Variants in PHF24 observed in about 807,000 individuals in gnomAD.
The protein encoded by PHF24 is Galpha inhibitory interacting protein.
PHF24 carries 25 observed loss-of-function variants against 42.6 expected under a neutral mutation model. The observed-to-expected ratio is 0.59, with a 90% confidence interval of 0.43 to 0.82. The LOEUF (loss-of-function observed/expected upper bound fraction) is 0.82. Among genes scored for constraint, PHF24 ranks in the 40% least tolerant of loss-of-function variants. PHF24 has a pLI of 0.00. For missense variants in PHF24, 470 were observed against 538.1 expected (o/e 0.87, Z 1.25); for synonymous variants, 185 against 204.8 (o/e 0.90, Z 0.83).
At chr9:34,809,462 C>T in the PHF24 span, among the ~76,000 whole-genome samples, 18 of 152,124 alleles carry the variant, frequency 1.2e-4, no homozygotes, top group African/African-American at 4.3e-4. The surrounding 1 kb of genome is among the most constrained non-coding windows in gnomAD (Gnocchi z 4.1). Context: ...GTTGCTGCAG[C>T]AAAAAGTGGG....
At chr9:34,959,466 T>C (rs918287215) in intron 1 of PHF24, among the ~76,000 whole-genome samples, 2 of 152,228 alleles carry the variant, frequency 1.3e-5, no homozygotes, top group Admixed American at 6.5e-5. Flanking sequence ...AAAATGTTTT[T>C]CAAATTTTAT....
At chr9:34,882,321 C>T in the PHF24 span, among the ~76,000 whole-genome samples, 1 of 152,176 alleles carries the variant, frequency 6.6e-6, no homozygotes, top group Non-Finnish European at 1.5e-5. Flanking sequence ...GATGCCCTCT[C>T]TCACCACTCC....
the PHF24 span, chr9:34,835,619 G>A: frequency 6.4e-7 from 1 of 1,551,728 alleles, no homozygotes; most frequent in Non-Finnish European, 8.7e-7. Flanking sequence ...GGAGCCCTTG[G>A]CTTGTCAAGC....
chr9:34,864,586 C>A, the PHF24 span, among the ~76,000 whole-genome samples: 1 of 152,080 alleles, frequency 6.6e-6, no homozygotes, highest in African/African-American at 2.4e-5. Context: ...TAAAGACTCC[C>A]AGACAAATAA....
chr9:34,875,932 A>ACTCT, the PHF24 span, among the ~76,000 whole-genome samples: 6 of 70,840 alleles, frequency 8.5e-5, no homozygotes, highest in South Asian at 5.1e-4. Context: ...ACACACACAC[A>ACTCT]CACACACACA....
the PHF24 span, among the ~76,000 whole-genome samples, chr9:34,697,609 C>T: frequency 3.3e-5 from 5 of 152,174 alleles, no homozygotes; most frequent in African/African-American, 4.8e-5. Flanking sequence ...CCTGAGCCAC[C>T]GCACCCAGCC....
At chr9:34,929,853 C>G in the PHF24 span, among the ~76,000 whole-genome samples, 4,905 of 152,266 alleles carry the variant, frequency 0.032, 271 homozygotes, top group African/African-American at 0.11. Flanking sequence ...CTTTTTTCCC[C>G]TACTGTTTCT....
chr9:34,964,855 C>A (rs1826714263), intron 1 of PHF24, among the ~76,000 whole-genome samples: 1 of 152,160 alleles, frequency 6.6e-6, no homozygotes, highest in Non-Finnish European at 1.5e-5. Flanking sequence ...CTGCTCCTCT[C>A]CCCTGAGTTT....
At chr9:34,975,178 AG>A (rs1284877499) in intron 3 of PHF24, among the ~76,000 whole-genome samples, 1 of 152,090 alleles carries the variant, frequency 6.6e-6, no homozygotes, top group African/African-American at 2.4e-5. Context: ...GGCTCGATAA[AG>A]GGTATTGGAG....
the PHF24 span, among the ~76,000 whole-genome samples, chr9:34,757,756 G>C: frequency 2.0e-5 from 3 of 152,146 alleles, no homozygotes; most frequent in Admixed American, 6.5e-5. Context: ...GGCTGTAATA[G>C]TTTATGGAAG....
chr9:34,949,071 T>C, the PHF24 span, among the ~76,000 whole-genome samples: 5 of 152,160 alleles, frequency 3.3e-5, no homozygotes, highest in African/African-American at 9.7e-5. Flanking sequence ...ACAAGTATAC[T>C]GGAAGATTTA....
At chr9:34,753,217 T>C in the PHF24 span, among the ~76,000 whole-genome samples, 6 of 152,170 alleles carry the variant, frequency 3.9e-5, no homozygotes, top group Non-Finnish European at 1.5e-5. Flanking sequence ...CAAATTATCC[T>C]TGTTTGCAGA....
At chr9:34,875,665 C>A in the PHF24 span, among the ~76,000 whole-genome samples, 1 of 152,150 alleles carries the variant, frequency 6.6e-6, no homozygotes, top group South Asian at 2.1e-4. Flanking sequence ...GAGGAAAGCA[C>A]TGGAGCCTTG....
At chr9:34,737,831 C>A in the PHF24 span, among the ~76,000 whole-genome samples, 1 of 152,162 alleles carries the variant, frequency 6.6e-6, no homozygotes, top group East Asian at 1.9e-4. Flanking sequence ...CTTGTCACTT[C>A]GTCATCATGA....
chr9:34,733,626 T>TA, the PHF24 span, among the ~76,000 whole-genome samples: 1 of 151,782 alleles, frequency 6.6e-6, no homozygotes, highest in Non-Finnish European at 1.5e-5. Context: ...TCAGCCTCCC[T>TA]AGTAGCTGGG....
chr9:34,962,018 C>T (rs1428552839), intron 1 of PHF24, among the ~76,000 whole-genome samples: 1 of 152,180 alleles, frequency 6.6e-6, no homozygotes, highest in African/African-American at 2.4e-5. Context: ...CACCTACGAG[C>T]TCTTAGGTTG....
At chr9:34,801,557 C>G in the PHF24 span, among the ~76,000 whole-genome samples, 1 of 152,064 alleles carries the variant, frequency 6.6e-6, no homozygotes, top group Non-Finnish European at 1.5e-5. Context: ...GAAACCCTGT[C>G]TCTACTAAAA....
At chr9:34,961,720 C>T (rs939263109) in intron 1 of PHF24, among the ~76,000 whole-genome samples, 2 of 152,232 alleles carry the variant, frequency 1.3e-5, no homozygotes, top group African/African-American at 4.8e-5. Context: ...TGCCAGTGCC[C>T]TGCCAAAATT....
At chr9:34,942,862 A>AG in the PHF24 span, among the ~76,000 whole-genome samples, 3 of 151,008 alleles carry the variant, frequency 2.0e-5, no homozygotes, top group Admixed American at 6.6e-5. Context: ...GATGGGGGGC[A>AG]GGGGGGAGGC....
Sources: allele counts gnomAD v4.1 joint callset (sites outside exome capture counted in the v4.1 genomes callset), GRCh38; gene constraint gnomAD v4.1.1; non-coding constraint Gnocchi (gnomAD v3.1); transcripts MANE v1.5; gene names NCBI Gene and HGNC (gene_info 2026-07-23, HGNC 2026-07-21).